CASTOR2: variants seen among roughly 807,000 people sequenced by gnomAD.
CASTOR2 encodes the protein GATS protein like 2.
A neutral mutation model predicts 31.2 loss-of-function variants in CASTOR2; 8 were observed. The ratio of observed to expected loss-of-function variants is 0.26; its 90% confidence interval spans 0.15 to 0.46. CASTOR2 has a LOEUF of 0.46. Among genes scored for constraint, CASTOR2 ranks in the 20% least tolerant of loss-of-function variants. The pLI is 0.99. For missense variants in CASTOR2, 216 were observed against 382.1 expected, an observed-to-expected ratio of 0.57 and a Z score of 3.62; for synonymous variants, 162 against 158.7, an observed-to-expected ratio of 1.02 and a Z score of -0.16.
chr7:75,019,208 G>A, intron 5 of CASTOR2, 113 bp downstream of exon 5: 1 of 1,527,744 alleles, frequency 6.5e-7, no homozygotes, highest in Non-Finnish European at 8.9e-7. Context: ...TCTGAGGGAA[G>A]AGACACAGAC....
At chr7:74,988,000 G>A (rs1414077463) in intron 1 of CASTOR2, among the ~76,000 whole-genome samples, 12 of 147,788 alleles carry the variant, frequency 8.1e-5, no homozygotes, top group Middle Eastern at 3.5e-3. Flanking sequence ...GAGTCACTGC[G>A]CCTGGCCTTT....
chr7:74,978,220 C>T (rs1474380307), intron 1 of CASTOR2, among the ~76,000 whole-genome samples: 2 of 150,000 alleles, frequency 1.3e-5, no homozygotes, highest in Non-Finnish European at 3.0e-5. Context: ...TCTGGTCCCT[C>T]AGCCTCCCGA....
chr7:75,017,171 G>A (rs1804882794), intron 2 of CASTOR2, among the ~76,000 whole-genome samples: 1 of 151,888 alleles, frequency 6.6e-6, no homozygotes, highest in African/African-American at 2.4e-5. Flanking sequence ...CCATCCGGCT[G>A]GGTGCGGTGG....
At chr7:75,009,430 G>A (rs1220585008) in intron 2 of CASTOR2, among the ~76,000 whole-genome samples, 6 of 151,046 alleles carry the variant, frequency 4.0e-5, no homozygotes, top group African/African-American at 7.3e-5. Context: ...ACCACGCCCG[G>A]CTAATTTTTT....
chr7:74,988,007 CTT>C (rs1199869924), intron 1 of CASTOR2, among the ~76,000 whole-genome samples: 2 of 141,646 alleles, frequency 1.4e-5, no homozygotes, highest in Non-Finnish European at 3.1e-5. Context: ...TGCGCCTGGC[CTT>C]TTTTTTTTTT....
intron 1 of CASTOR2, among the ~76,000 whole-genome samples, chr7:74,988,274 G>A (rs1804120825): frequency 6.6e-6 from 1 of 151,336 alleles, no homozygotes. Context: ...GATTACAAGT[G>A]CCCGCCACCA....
chr7:74,985,500 G>A (rs1349135341), intron 1 of CASTOR2, among the ~76,000 whole-genome samples: 2 of 148,796 alleles, frequency 1.3e-5, no homozygotes, highest in African/African-American at 4.9e-5. Context: ...AGGATCACTT[G>A]AGCCTGGGAG....
Position 75,028,878 on chromosome 7 carries a change from A to T in CASTOR2, c.*4179A>T, listed in dbSNP as rs1262360949. 6.6e-6 allele frequency among the ~76,000 whole-genome samples: 1 copy of T among 152,086 alleles called. No individual in the cohort carries two copies. The highest frequency in any genetic ancestry group is 1.5e-5 in the Non-Finnish European group (1 of 67,982). On this transcript the variant is annotated 3_prime_UTR_variant, in exon 9 of 9. Coordinates refer to ENST00000616305, the MANE Select transcript of CASTOR2 (RefSeq NM_001145064.3). ...CCCTCCCCAAGATTCAGAGGCGGGGACCCAAAGCCTCACTCCAAACCACTG... is the reference window on the plus strand; with the variant it reads ...CCCTCCCCAAGATTCAGAGGCGGGGTCCCAAAGCCTCACTCCAAACCACTG...
At chr7:74,992,060 A>G (rs1319859186) in intron 1 of CASTOR2, among the ~76,000 whole-genome samples, 2 of 152,036 alleles carry the variant, frequency 1.3e-5, no homozygotes, top group Non-Finnish European at 2.9e-5. Context: ...GGTCAATCGA[A>G]GAGGGCTTGG....
rs1406169027 is a variant in CASTOR2 at position 75,011,828 on chromosome 7, G to A, written c.184+3764G>A. Among the ~76,000 whole-genome samples, 8 of 151,476 alleles carry A rather than the reference G, an allele frequency of 5.3e-5. No homozygotes were observed. The East Asian group carries it at 5.8e-4, about 11-fold the overall frequency. The stretch of plus-strand genomic sequence containing the variant: ...ACTAAAAATACAAAATTAGCTGGGC[G>A]TGGTGGCGCATGCCTGTAATCCCAG... On this transcript the variant is annotated intron_variant, in intron 2 of 8. Coordinates refer to ENST00000616305, the MANE Select transcript of CASTOR2 (RefSeq NM_001145064.3).
intron 1 of CASTOR2, among the ~76,000 whole-genome samples, chr7:74,990,856 GAAAT>G (rs1431383688): frequency 1.3e-5 from 2 of 151,760 alleles, no homozygotes; most frequent in Non-Finnish European, 2.9e-5. Flanking sequence ...CCCAGTCTCA[GAAAT>G]AAATAATAAA....
chr7:74,986,959 G>C (rs1475684007), intron 1 of CASTOR2, among the ~76,000 whole-genome samples: 2 of 152,180 alleles, frequency 1.3e-5, no homozygotes, highest in African/African-American at 4.8e-5. Flanking sequence ...TGGAGGGCAA[G>C]GTGGGAGAAT....
chr7:74,983,208 C>T (rs1187940986), intron 1 of CASTOR2, among the ~76,000 whole-genome samples: 11 of 131,482 alleles, frequency 8.4e-5, no homozygotes, highest in Non-Finnish European at 1.6e-5. Context: ...GACAGGGTTT[C>T]GCCATGTTGG....
chr7:75,009,740 T>A (rs1804695119), intron 2 of CASTOR2, among the ~76,000 whole-genome samples: 1 of 150,510 alleles, frequency 6.6e-6, no homozygotes, highest in Non-Finnish European at 1.5e-5. Flanking sequence ...GGAACTAGAG[T>A]GTGAGAAGAG....
intron 1 of CASTOR2, among the ~76,000 whole-genome samples, chr7:74,970,993 G>A (rs1803665197): frequency 6.7e-6 from 1 of 150,292 alleles, no homozygotes; most frequent in Non-Finnish European, 1.5e-5. Context: ...AGGATGCTTT[G>A]TGGTTTTTGT....
chr7:75,001,372 C>T (rs1221318436), intron 1 of CASTOR2, among the ~76,000 whole-genome samples: 10 of 152,150 alleles, frequency 6.6e-5, no homozygotes, highest in Non-Finnish European at 1.3e-4. Context: ...GCCACTGCGC[C>T]CGGCCTCCCA....
At chr7:75,017,550 A>T in intron 2 of CASTOR2, 48 bp from the exon 3 acceptor site, 1 of 1,599,974 alleles carries the variant, frequency 6.3e-7, no homozygotes, top group Non-Finnish European at 8.5e-7. Flanking sequence ...CCCTTGGGTC[A>T]TCTGGAACCT....
Position 75,008,005 on chromosome 7 carries a change from T to A in CASTOR2, c.125T>A (p.Phe42Tyr). 3.1e-6 allele frequency: 5 copies of A among 1,613,948 alleles called. No individual in the cohort carries two copies. Residue 42 changes from phenylalanine to tyrosine, a missense_variant, in exon 2 of 9, where the codon TTC (phenylalanine) becomes TAC (tyrosine). By Grantham distance (22) the Phe-to-Tyr change is conservative. Around this residue, in one of 5 missense-constraint regions of CASTOR2, gnomAD observed 114 missense variants for 194.2 expected, o/e 0.59. Transcript: ENST00000616305. Reference sequence around the variant, plus strand: ...GTCCATCCATCCAGGTGCAAGTTCTTCAGTCTGACTGAGACGCCAGAGGAT... The same window carrying A: ...GTCCATCCATCCAGGTGCAAGTTCTACAGTCTGACTGAGACGCCAGAGGAT... Reference protein sequence around the residue: ...FLSSKTRCKFFSLTETPEDYT... With the variant: ...FLSSKTRCKFYSLTETPEDYT...
At chr7:74,984,738 A>G (rs1483661196) in intron 1 of CASTOR2, among the ~76,000 whole-genome samples, 3 of 152,142 alleles carry the variant, frequency 2.0e-5, no homozygotes, top group Non-Finnish European at 4.4e-5. Context: ...GACCTCCCCC[A>G]TGTCTCAGAT....
Sources: gnomAD v4.1 joint callset for allele counts (sites outside exome capture counted in the v4.1 genomes callset) on GRCh38, gnomAD v4.1.1 for gene constraint, gnomAD v4.1.1 regional missense constraint, MANE v1.5 for transcripts, NCBI Gene and HGNC (gene_info 2026-07-23, HGNC 2026-07-21) for gene names.